The following COL28A1 variants were observed in gnomAD, a reference collection of about 807,000 sequenced individuals.
COL28A1 encodes the protein collagen alpha-1(XXVIII) chain.
A neutral mutation model predicts 150.2 loss-of-function variants in COL28A1; 161 were observed. The observed-to-expected ratio is 1.07, with a 90% CI of 0.94 to 1.22. The LOEUF (loss-of-function observed/expected upper bound fraction) is 1.22. Among genes scored for constraint, COL28A1 ranks in the 50% most tolerant of loss-of-function variants. The pLI is 0.00. For synonymous variants in COL28A1, 552 were observed against 469.7 expected (o/e 1.18, Z -2.26); for missense variants, 1,617 against 1,388.3 (o/e 1.16, Z -2.62).
intron 27 of COL28A1, among the ~76,000 whole-genome samples, chr7:7,408,317 T>G (rs1432439908): frequency 6.6e-6 from 1 of 152,146 alleles, no homozygotes; most frequent in African/African-American, 2.4e-5. Flanking sequence ...ATCTTTCCTT[T>G]GTTAGAGATT....
chr7:7,534,658 T>C (rs17168530), intron 1 of COL28A1, among the ~76,000 whole-genome samples: 5,802 of 152,252 alleles, frequency 0.038, 387 homozygotes, highest in African/African-American at 0.13. Flanking sequence ...TGTAAGGTTT[T>C]AGAAATACTG....
At chr7:7,381,734 A>T in intron 27 of COL28A1, 122 bp from the exon 28 acceptor site, 1 of 610,224 alleles carries the variant, frequency 1.6e-6, no homozygotes. Flanking sequence ...TATTAGGGGA[A>T]ATATATATAT....
intron 32 of COL28A1, among the ~76,000 whole-genome samples, chr7:7,371,633 G>T (rs914026148): frequency 6.6e-6 from 1 of 152,140 alleles, no homozygotes; most frequent in African/African-American, 2.4e-5. Context: ...CCAGGTACAG[G>T]CCTGCCAGAA....
At chr7:7,440,427 T>C (rs542308271) in intron 21 of COL28A1, among the ~76,000 whole-genome samples, 2 of 152,314 alleles carry the variant, frequency 1.3e-5, no homozygotes, top group South Asian at 2.1e-4. Context: ...TCATCATCAC[T>C]GTGCTGCCTC....
intron 15 of COL28A1, among the ~76,000 whole-genome samples, chr7:7,461,894 T>A (rs1209960315): frequency 1.3e-5 from 2 of 152,152 alleles, no homozygotes; most frequent in Non-Finnish European, 2.9e-5. Flanking sequence ...CCACAACTGA[T>A]GCTCTCTTGA....
intron 11 of COL28A1, among the ~76,000 whole-genome samples, chr7:7,491,160 G>T (rs911695925): frequency 1.3e-5 from 2 of 152,088 alleles, no homozygotes; most frequent in African/African-American, 4.8e-5. Flanking sequence ...ACCCCCAATT[G>T]AGTCAGTCAG....
intron 25 of COL28A1, among the ~76,000 whole-genome samples, chr7:7,428,417 T>C (rs1384518340): frequency 6.6e-6 from 1 of 152,232 alleles, no homozygotes; most frequent in East Asian, 1.9e-4. Context: ...CCACGTCTTA[T>C]ATTCCTTTTC....
chr7:7,517,646 A>G (rs1002630147), intron 7 of COL28A1, 150 bp downstream of exon 7: 5 of 1,110,252 alleles, frequency 4.5e-6, no homozygotes, highest in African/African-American at 1.6e-5. Context: ...TTCTAAGATC[A>G]TATCTTTCTG....
downstream of COL28A1, among the ~76,000 whole-genome samples, chr7:7,353,745 A>G (rs1583203268): frequency 6.6e-6 from 1 of 152,184 alleles, no homozygotes; most frequent in Admixed American, 6.5e-5. Context: ...ACATGCTTCC[A>G]TATCAGTTTT....
intron 27 of COL28A1, among the ~76,000 whole-genome samples, chr7:7,395,849 C>T (rs369018413): frequency 2.5e-4 from 38 of 152,124 alleles, no homozygotes; most frequent in Admixed American, 6.6e-5. Flanking sequence ...TTTCTAATTA[C>T]GTTATTGCTA....
intron 13 of COL28A1, among the ~76,000 whole-genome samples, chr7:7,481,666 T>G (rs1459029521): frequency 6.6e-6 from 1 of 152,208 alleles, no homozygotes; most frequent in African/African-American, 2.4e-5. Context: ...ATCTGAGACA[T>G]TAACGATGAG....
At chr7:7,364,536 TTC>T (rs1780834812) in intron 33 of COL28A1, among the ~76,000 whole-genome samples, 1 of 152,248 alleles carries the variant, frequency 6.6e-6, no homozygotes, top group South Asian at 2.1e-4. Flanking sequence ...AGCTCTATTG[TTC>T]TTTCGTTAAG....
chr7:7,480,930 T>C (rs1022851798), intron 13 of COL28A1, among the ~76,000 whole-genome samples: 1 of 152,224 alleles, frequency 6.6e-6, no homozygotes, highest in African/African-American at 2.4e-5. Context: ...ATAATAATAG[T>C]ATCTACCTCA....
intron 15 of COL28A1, among the ~76,000 whole-genome samples, chr7:7,460,859 T>G (rs1177597057): frequency 6.6e-6 from 1 of 152,124 alleles, no homozygotes; most frequent in African/African-American, 2.4e-5. Flanking sequence ...TCCTACATAA[T>G]AACACACCTT....
rs2128288727 is a variant in COL28A1, at chr7:7,380,777, C to T, written c.2286+5G>A. 2 of 1,613,444 alleles carry T rather than the reference C, an allele frequency of 1.2e-6. No individual in the cohort carries two copies. The highest frequency in any genetic ancestry group is 2.2e-5 in the South Asian group (2 of 91,066). On this transcript the variant is annotated splice_donor_5th_base_variant and intron_variant, in intron 29 of 34. Coordinates refer to ENST00000399429, the MANE Select transcript of COL28A1 (RefSeq NM_001037763.3). ...AATCACAGTGAGACATTAAAAACTACTTGCCTGTTTTCCTGGAGATCCAGG... is the reference window on the plus strand; with the variant it reads ...AATCACAGTGAGACATTAAAAACTATTTGCCTGTTTTCCTGGAGATCCAGG...
Position 7,440,809 on chromosome 7 carries a change from G to A in COL28A1, c.1703C>T (p.Pro568Leu), listed in dbSNP as rs1244690905. The A allele has an allele frequency of 6.6e-7, 1 of 1,515,692 alleles. No individual in the cohort carries two copies. Among genetic ancestry groups the A allele is most frequent in the Non-Finnish European group, 9.2e-7 (1 of 1,091,536 alleles). The allele number at this position is 1,515,692 out of a possible 1,614,324, so 93.9% of individuals were successfully genotyped here. The change falls in exon 21 of 35, where the codon CCA (proline) becomes CTA (leucine). Residue 568 changes from proline to leucine, a missense_variant. Physicochemically the swap from Pro to Leu is moderately conservative, Grantham distance 98. Coordinates refer to ENST00000399429, the MANE Select transcript of COL28A1 (RefSeq NM_001037763.3). Reference protein sequence around the residue: ...SKGNQGQRGLPGPEGPKGEPG... With the variant: ...SKGNQGQRGLLGPEGPKGEPG... ...ACATACCTTTGGTCCTTCGGGCCCT[G>A]GAAGTCCCCTCTGTCCTTGATTTCC... is the stretch of plus-strand genomic sequence containing the variant.
chr7:7,349,317 G>A, the COL28A1 span, among the ~76,000 whole-genome samples: 3 of 152,082 alleles, frequency 2.0e-5, no homozygotes, highest in Non-Finnish European at 4.4e-5. Context: ...CATGAATCTT[G>A]AGGTTTTCCA....
chr7:7,449,854 A>G (rs1454709131), intron 18 of COL28A1, among the ~76,000 whole-genome samples: 1 of 152,134 alleles, frequency 6.6e-6, no homozygotes, highest in East Asian at 1.9e-4. Flanking sequence ...TTGAAAAATT[A>G]CAGCTTTACT....
intron 27 of COL28A1, among the ~76,000 whole-genome samples, chr7:7,403,432 A>G (rs1783327579): frequency 6.6e-6 from 1 of 152,144 alleles, no homozygotes; most frequent in Admixed American, 6.5e-5. Flanking sequence ...AATACAGAAA[A>G]TCTTTTTAAA....
Sources: gnomAD v4.1 joint callset for allele counts (sites outside exome capture counted in the v4.1 genomes callset) on GRCh38, gnomAD v4.1.1 for gene constraint, MANE v1.5 for transcripts, NCBI Gene and HGNC (gene_info 2026-07-23, HGNC 2026-07-21) for gene names.